Variants in DAP3 observed in about 807,000 individuals in gnomAD.
DAP3 encodes death associated protein 3.
A neutral mutation model predicts 51.9 loss-of-function variants in DAP3; 28 were observed. That is an observed-to-expected ratio of 0.54 (90% CI 0.40 to 0.74). The LOEUF is 0.74. Ranked by LOEUF, DAP3 falls within the 30% of genes least tolerant of loss-of-function variation. The probability of loss-of-function intolerance (pLI) is 0.00; values close to 1 mark genes in which losing one functional copy is unlikely to be tolerated. For missense variants in DAP3, 458 were observed against 483.5 expected (o/e 0.95, Z 0.49); for synonymous variants, 170 against 170.3 (o/e 1.00, Z 0.01).
At chr1:155,737,748 G>GAC (rs1004434521) in intron 12 of DAP3, among the ~76,000 whole-genome samples, 1 of 149,400 alleles carries the variant, frequency 6.7e-6, no homozygotes. Flanking sequence ...AATATAGTGA[G>GAC]ACCCCATCTC....
chr1:155,718,103 C>T (rs1203023256), intron 3 of DAP3, among the ~76,000 whole-genome samples: 3 of 152,138 alleles, frequency 2.0e-5, no homozygotes, highest in East Asian at 1.9e-4. Context: ...CTCTAGGCTT[C>T]GGCCATGCGG....
intron 12 of DAP3, 42 bp downstream of exon 12, chr1:155,737,105 A>T: frequency 7.2e-7 from 1 of 1,382,408 alleles, no homozygotes; most frequent in Non-Finnish European, 1.0e-6. Flanking sequence ...TTGTGATCAC[A>T]GTAGAATCCC....
At chr1:155,726,080 C>T in intron 6 of DAP3, 61 bp downstream of exon 6, 1 of 1,338,784 alleles carries the variant, frequency 7.5e-7, no homozygotes, top group Non-Finnish European at 1.0e-6. Flanking sequence ...ACTGTGGTAG[C>T]CTTGCAGCTT....
intron 1 of DAP3, among the ~76,000 whole-genome samples, chr1:155,700,486 T>G (rs1210426758): frequency 6.6e-6 from 1 of 151,098 alleles, no homozygotes; most frequent in Non-Finnish European, 1.5e-5. Flanking sequence ...TTACTTTCTC[T>G]GTAGAAAATT....
At chr1:155,723,851 C>A (rs1169553060) in intron 4 of DAP3, among the ~76,000 whole-genome samples, 2 of 152,018 alleles carry the variant, frequency 1.3e-5, no homozygotes, top group African/African-American at 4.8e-5. Flanking sequence ...TGAGCCTGGC[C>A]AACATGGTGA....
chr1:155,721,881 G>C (rs1658061171), intron 4 of DAP3: 1 of 514,808 alleles, frequency 1.9e-6, no homozygotes, highest in South Asian at 3.7e-5. Context: ...CTTAAAATTT[G>C]CCTTGGCAAA....
rs1011625492 is a variant in DAP3 at position 155,721,740 on chromosome 1, C to A, written c.270+122C>A. ...AAATTTAATCTGAAAAACAGAAATT[C>A]ATGTGTTGATTACCTTTTGTGACTA... On this transcript the variant is annotated intron_variant, in intron 4 of 12. Transcript: ENST00000368336. 5.5e-6 allele frequency: 5 copies of A among 909,038 alleles called. No individual in the cohort carries two copies. The African/African-American group carries it at 8.3e-5, about 15-fold the overall frequency. 56.3% of individuals were successfully genotyped at this position (909,038 alleles called of 1,614,324 possible).
At chr1:155,699,976 C>A (rs1038261547) in intron 1 of DAP3, among the ~76,000 whole-genome samples, 1 of 149,892 alleles carries the variant, frequency 6.7e-6, no homozygotes. Flanking sequence ...CTCGCTCTGT[C>A]GCCAGGCTGG....
intron 1 of DAP3, among the ~76,000 whole-genome samples, chr1:155,709,431 A>T (rs1656421600): frequency 6.6e-6 from 1 of 152,048 alleles, no homozygotes; most frequent in South Asian, 2.1e-4. Flanking sequence ...AAGTGTGGGG[A>T]TTGTACATGT....
At chr1:155,737,412 G>A (rs1659919599) in intron 12 of DAP3, among the ~76,000 whole-genome samples, 1 of 152,180 alleles carries the variant, frequency 6.6e-6, no homozygotes, top group African/African-American at 2.4e-5. Flanking sequence ...GACACCCACA[G>A]AAAAATTCAT....
In DAP3 at chr1:155,729,328, T is replaced by C; in HGVS notation, c.805T>C (p.Trp269Arg). The part of the protein sequence containing the change: ...LVAVDGINAL[W>R]GRTTLKREDK... ...GGCCGTGGATGGAATCAATGCTCTT[T>C]GGGGAAGAACCACTCTGAAAAGAGA... Residue 269 changes from tryptophan to arginine, a missense_variant, in exon 9 of 13, where the codon TGG becomes CGG. Trp to Arg is a moderately radical substitution (Grantham distance 101, BLOSUM62 -3). Transcript: ENST00000368336. 1.9e-6 allele frequency: 3 copies of C among 1,614,156 alleles called. No homozygotes were observed. Among genetic ancestry groups the C allele is most frequent in the Non-Finnish European group, 2.5e-6 (3 of 1,180,026 alleles).
chr1:155,689,430 C>T, intron 1 of DAP3: 1 of 468,174 alleles, frequency 2.1e-6, no homozygotes. Context: ...CCTTGACGCA[C>T]TTACTCATGG....
chr1:155,734,550 C>T (rs1413451768), intron 11 of DAP3, among the ~76,000 whole-genome samples: 2 of 152,138 alleles, frequency 1.3e-5, no homozygotes, highest in African/African-American at 4.8e-5. Context: ...ACTTCCCATG[C>T]CCAGCCCTGG....
upstream of DAP3, chr1:155,688,613 C>G (rs1435805521): frequency 2.0e-6 from 3 of 1,535,070 alleles, no homozygotes; most frequent in South Asian, 1.2e-5. Context: ...CTCCACTCCC[C>G]CTCAGACCCT....
intron 4 of DAP3, among the ~76,000 whole-genome samples, chr1:155,723,655 G>GT (rs1000951517): frequency 2.0e-5 from 3 of 152,250 alleles, no homozygotes; most frequent in African/African-American, 7.2e-5. Flanking sequence ...CCTTTATCAT[G>GT]TTTTTTTGAA....
At chr1:155,737,176 CT>C (rs1424523058) in intron 12 of DAP3, 113 bp downstream of exon 12, 130 of 773,196 alleles carry the variant, frequency 1.7e-4, no homozygotes, top group Middle Eastern at 2.4e-4. Flanking sequence ...GTACTTCATC[CT>C]TTATCTTGAC....
chr1:155,736,063 A>G (rs937108948), intron 11 of DAP3, among the ~76,000 whole-genome samples: 7 of 140,050 alleles, frequency 5.0e-5, no homozygotes, highest in African/African-American at 1.6e-4. Context: ...CAGGTCTTGA[A>G]CTCCTGACCT....
chr1:155,737,119 C>A, intron 12 of DAP3, 56 bp downstream of exon 12: 1 of 1,228,566 alleles, frequency 8.1e-7, no homozygotes, highest in South Asian at 1.2e-5. Context: ...GAATCCCACT[C>A]AGTCAGAGCC....
intron 1 of DAP3, chr1:155,689,534 A>T (rs1467469503): frequency 2.5e-6 from 1 of 404,256 alleles, no homozygotes; most frequent in Non-Finnish European, 4.9e-6. Context: ...CCTTGTCTTC[A>T]GCAAGTTATT....
Sources: allele counts gnomAD v4.1 joint callset (sites outside exome capture counted in the v4.1 genomes callset), GRCh38; gene constraint gnomAD v4.1.1; transcripts MANE v1.5; gene names NCBI Gene and HGNC (gene_info 2026-07-23, HGNC 2026-07-21).